PCDHGB3: variants seen among roughly 807,000 people sequenced by gnomAD.
The protein encoded by PCDHGB3 is protocadherin gamma-B3.
Under a neutral mutation model 59.2 loss-of-function variants are expected in PCDHGB3, and 40 were observed. That is an observed-to-expected ratio of 0.68 (90% CI 0.52 to 0.88). PCDHGB3 has a LOEUF of 0.88. PCDHGB3 is among the 40% of genes least tolerant of loss of function. PCDHGB3 has a pLI of 0.00. For synonymous variants in PCDHGB3, 581 were observed against 503.6 expected (o/e 1.15, Z -2.06); for missense variants, 1,309 against 1,187.9 (o/e 1.10, Z -1.50).
chr5:141,511,007 G>A lies in PCDHGB3; in HGVS notation c.2624G>A (p.Arg875His), dbSNP rs780918754. The change falls in exon 4 of 4, where the codon CGC becomes CAC. Residue 875 changes from arginine to histidine, a missense_variant. Physicochemically the swap from Arg to His is conservative, Grantham distance 29 (BLOSUM62 0). Transcript: ENST00000576222. ...GCCGGCACCATGGGATTGAGCGCCC[G>A]CTACGGACCCCAGTTCACCCTGCAG... is the stretch of plus-strand genomic sequence containing the variant. ...GGAGTMGLSA[R>H]YGPQFTLQHV... 1.9e-6 allele frequency: 3 copies of A among 1,614,158 alleles called. No individual in the cohort carries two copies. Among genetic ancestry groups the A allele is most frequent in the East Asian group, 4.5e-5 (2 of 44,890 alleles).
chr5:141,473,665 T>C (rs1054239218), intron 1 of PCDHGB3, among the ~76,000 whole-genome samples: 1 of 152,142 alleles, frequency 6.6e-6, no homozygotes, highest in Non-Finnish European at 1.5e-5. Context: ...GTGAAGGCCC[T>C]GAGACAGGGA....
chr5:141,430,826 C>T (rs993762069), intron 1 of PCDHGB3: 1 of 1,550,298 alleles, frequency 6.5e-7, no homozygotes, highest in Non-Finnish European at 8.7e-7. Context: ...CCTGGGGACT[C>T]TGTGGGAGAC....
chr5:141,385,037 C>T, intron 1 of PCDHGB3: 1 of 1,614,148 alleles, frequency 6.2e-7, no homozygotes, highest in Non-Finnish European at 8.5e-7. Context: ...GTACTGCTGG[C>T]GCTCAGGCTG....
In PCDHGB3 at chr5:141,372,050, G is replaced by A; in HGVS notation, c.1656G>A (p.Val552=). The change falls in exon 1 of 4, where the codon GTG becomes GTA. Residue 552 remains valine (V), a synonymous_variant. Coordinates refer to ENST00000576222, the MANE Select transcript of PCDHGB3 (RefSeq NM_018924.5). The part of the protein sequence containing the change: ...LSANVSLRVL[V]DDRNDNAPLV... Reference sequence around the variant, plus strand: ...CCAACGTGAGCCTGCGCGTGTTGGTGGACGACCGCAACGACAATGCACCGC... The same window carrying A: ...CCAACGTGAGCCTGCGCGTGTTGGTAGACGACCGCAACGACAATGCACCGC... The A allele has an allele frequency of 6.2e-7, 1 of 1,613,506 alleles. No individual in the cohort carries two copies. The highest frequency in any genetic ancestry group is 8.5e-7 in the Non-Finnish European group (1 of 1,179,784).
intron 1 of PCDHGB3, chr5:141,394,886 C>CT: frequency 1.9e-6 from 3 of 1,613,890 alleles, no homozygotes; most frequent in Non-Finnish European, 2.5e-6. Context: ...GCCTTACACT[C>CT]TATCTCGTGG....
intron 1 of PCDHGB3, chr5:141,430,923 A>C (rs2097325574): frequency 6.2e-7 from 1 of 1,607,168 alleles, no homozygotes; most frequent in African/African-American, 1.3e-5. Context: ...CTGGGGCTGG[A>C]GCCCCGGGAG....
chr5:141,489,211 A>G lies in PCDHGB3; in HGVS notation c.2416-5596A>G, dbSNP rs1206929838. On this transcript the variant is annotated intron_variant, in intron 1 of 3. Coordinates refer to ENST00000576222, the MANE Select transcript of PCDHGB3 (RefSeq NM_018924.5). This position sits in a 1 kb window ranked among gnomAD's most constrained non-coding sequence, Gnocchi z 4.5. The stretch of plus-strand genomic sequence containing the variant: ...CTACCTTGGAGACAGGACAGCACAG[A>G]CTTACTCTCCACAAAGGGACTTCTG... 2 of 1,462,498 alleles carry G rather than the reference A, an allele frequency of 1.4e-6. No individual in the cohort carries two copies. Among genetic ancestry groups the G allele is most frequent in the Non-Finnish European group, 1.8e-6 (2 of 1,081,560 alleles). The allele number at this position is 1,462,498 out of a possible 1,614,324, so 90.6% of individuals were successfully genotyped here. A position where few individuals can be genotyped will look rare whatever the true frequency, so the allele number is the denominator to read the frequency against.
chr5:141,389,457 G>A, intron 1 of PCDHGB3: 1 of 1,613,220 alleles, frequency 6.2e-7, no homozygotes, highest in Non-Finnish European at 8.5e-7. Context: ...GCAGCTGCGC[G>A]CCTTCGAACT....
intron 1 of PCDHGB3, chr5:141,395,406 G>C (rs923158895): frequency 1.2e-6 from 1 of 833,442 alleles, no homozygotes; most frequent in Non-Finnish European, 1.8e-6. Flanking sequence ...AATAGTCATA[G>C]GTTATTGTTT....
Position 141,383,203 on chromosome 5 carries a change from T to A in PCDHGB3, c.2415+10394T>A, listed in dbSNP as rs755782697. The A allele has an allele frequency of 2.5e-6, 4 of 1,613,936 alleles. No homozygotes were observed. The highest frequency in any genetic ancestry group is 3.3e-5 in the Admixed American group (2 of 60,008). On this transcript the variant is annotated intron_variant, in intron 1 of 3. Coordinates refer to ENST00000576222, the MANE Select transcript of PCDHGB3 (RefSeq NM_018924.5). ...AGAGATCTGCGCTCAGAGTGCGCGGTGTCTGGTAAACTTTAACATCCTGAT... is the reference window on the plus strand; with the variant it reads ...AGAGATCTGCGCTCAGAGTGCGCGGAGTCTGGTAAACTTTAACATCCTGAT...
intron 1 of PCDHGB3, chr5:141,412,602 T>G (rs1239898248): frequency 6.6e-6 from 1 of 152,188 alleles, no homozygotes; most frequent in African/African-American, 2.4e-5. Flanking sequence ...CTAAATAAAA[T>G]TGGCCTATTC....
chr5:141,395,459 T>C (rs2093235244), intron 1 of PCDHGB3: 1 of 602,046 alleles, frequency 1.7e-6, no homozygotes, highest in African/African-American at 1.9e-5. Context: ...TCAACCATTT[T>C]AAGCCTTCCA....
chr5:141,498,971 G>GGGAAGGAAGGAAGGAAGGAA (rs201769957), intron 2 of PCDHGB3, among the ~76,000 whole-genome samples: 36 of 111,052 alleles, frequency 3.2e-4, no homozygotes, highest in African/African-American at 9.0e-4. Context: ...GAGGGAGGGA[G>GGGAAGGAAGGAAGGAAGGAA]GGAAGGAAGG....
At chr5:141,376,674 TCG>T in intron 1 of PCDHGB3, 1 of 648,166 alleles carries the variant, frequency 1.5e-6, no homozygotes, top group South Asian at 2.1e-5. Context: ...GGTGAGGGTA[TCG>T]TTTTTTTTTT....
chr5:141,434,924 A>G (rs2097731722), intron 1 of PCDHGB3, among the ~76,000 whole-genome samples: 1 of 151,756 alleles, frequency 6.6e-6, no homozygotes, highest in African/African-American at 2.4e-5. Context: ...ATGTACATAT[A>G]TTTTATATAA....
chr5:141,372,535 G>A lies in PCDHGB3; in HGVS notation c.2141G>A (p.Arg714His). Reference protein sequence around the residue: ...LLAVILAISLRLRCSSRPATE... With the variant: ...LLAVILAISLHLRCSSRPATE... Reference sequence around the variant, plus strand: ...GCGGTGATTCTGGCAATCTCCCTGCGCCTGCGATGCTCCTCCAGACCCGCC... The same window carrying A: ...GCGGTGATTCTGGCAATCTCCCTGCACCTGCGATGCTCCTCCAGACCCGCC... The change falls in exon 1 of 4, where the codon CGC becomes CAC. Residue 714 changes from arginine to histidine, a missense_variant. Arg to His is a conservative substitution (Grantham distance 29, BLOSUM62 0). Coordinates refer to ENST00000576222, the MANE Select transcript of PCDHGB3 (RefSeq NM_018924.5). 2 of 1,613,924 alleles carry A rather than the reference G, an allele frequency of 1.2e-6. No individual in the cohort carries two copies. The highest frequency in any genetic ancestry group is 1.7e-6 in the Non-Finnish European group (2 of 1,179,876).
intron 1 of PCDHGB3, chr5:141,384,575 C>G (rs754018989): frequency 6.2e-7 from 1 of 1,614,258 alleles, no homozygotes; most frequent in East Asian, 2.2e-5. Context: ...AATGACAACC[C>G]GCCCGAGATC....
intron 1 of PCDHGB3, among the ~76,000 whole-genome samples, chr5:141,434,703 G>C (rs1198306104): frequency 6.6e-6 from 1 of 151,730 alleles, no homozygotes; most frequent in Non-Finnish European, 1.5e-5. Context: ...TAAATATGTG[G>C]GTAAATCTCT....
intron 1 of PCDHGB3, chr5:141,387,659 G>A: frequency 1.5e-6 from 1 of 650,434 alleles, no homozygotes; most frequent in Non-Finnish European, 2.6e-6. Context: ...GGAGAGCTTG[G>A]CGCTCCAGAT....
Sources: gnomAD v4.1 joint callset for allele counts (sites outside exome capture counted in the v4.1 genomes callset) on GRCh38, gnomAD v4.1.1 for gene constraint, Gnocchi (gnomAD v3.1) non-coding constraint, MANE v1.5 for transcripts, NCBI Gene and HGNC (gene_info 2026-07-23, HGNC 2026-07-21) for gene names.